KDM3A: variants seen among roughly 807,000 people sequenced by gnomAD.
KDM3A encodes the protein lysine-specific demethylase 3A.
KDM3A carries 60 observed loss-of-function variants against 158.0 expected under a neutral mutation model. The ratio of observed to expected loss-of-function variants is 0.38; its 90% CI spans 0.31 to 0.47. The LOEUF is 0.47. Ranked by LOEUF, KDM3A falls within the 20% of genes least tolerant of loss-of-function variation. The pLI is 0.99. For missense variants in KDM3A, 1,319 were observed against 1,574.3 expected (o/e 0.84, Z 2.74); for synonymous variants, 608 against 549.3 (o/e 1.11, Z -1.49).
At chr2:86,449,990 C>A in intron 3 of KDM3A, 28 bp downstream of exon 3, 1 of 1,583,956 alleles carries the variant, frequency 6.3e-7, no homozygotes, top group Non-Finnish European at 8.6e-7. Context: ...TTATTGAACT[C>A]CTGAGAAGAG....
At chr2:86,444,856 A>G (rs377180646) in intron 2 of KDM3A, among the ~76,000 whole-genome samples, 1 of 152,310 alleles carries the variant, frequency 6.6e-6, no homozygotes, top group South Asian at 2.1e-4. Flanking sequence ...ACTTACTTAG[A>G]TGACAAAAAG....
chr2:86,491,471 A>G, intron 25 of KDM3A, 196 bp downstream of exon 25: 1 of 591,878 alleles, frequency 1.7e-6, no homozygotes, highest in Non-Finnish European at 3.0e-6. Flanking sequence ...CCTTGGTTTG[A>G]TTTGATATTG....
intron 18 of KDM3A, 60 bp downstream of exon 18, chr2:86,482,754 A>C (rs1211118707): frequency 6.5e-7 from 1 of 1,543,420 alleles, no homozygotes; most frequent in Non-Finnish European, 8.8e-7. Context: ...TTCCTTTAGC[A>C]GACTTCTGAC....
At chr2:86,488,480 A>G (rs528210821) in intron 21 of KDM3A, 17 of 152,380 alleles carry the variant, frequency 1.1e-4, no homozygotes, top group Admixed American at 9.1e-4. Flanking sequence ...AGGAAAGTAC[A>G]ACAGGGCTCT....
Position 86,492,337 on chromosome 2 carries a change from C to G in KDM3A, c.*218C>G, listed in dbSNP as rs760105928. The G allele has an allele frequency of 2.1e-6, 1 of 475,236 alleles. No individual in the cohort carries two copies. Among genetic ancestry groups the G allele is most frequent in the African/African-American group, 2.0e-5 (1 of 50,674 alleles). The allele number at this position is 475,236 out of a possible 1,614,324, so 29.4% of individuals were successfully genotyped here. A position where few individuals can be genotyped will look rare whatever the true frequency, so the allele number is the denominator to read the frequency against. On this transcript the variant is annotated 3_prime_UTR_variant, in exon 26 of 26. Coordinates refer to ENST00000312912, the MANE Select transcript of KDM3A (RefSeq NM_018433.6). ...CATGCATCCTTAAACTGTGACTTCT[C>G]ACCTAGTGCAGAACTTTTACCAGGC...
chr2:86,484,280 T>A (rs1234658489), intron 19 of KDM3A, 122 bp downstream of exon 19: 1 of 770,882 alleles, frequency 1.3e-6, no homozygotes, highest in Non-Finnish European at 2.1e-6. Flanking sequence ...AGTTTAAAAT[T>A]AACGTCTCTC....
intron 2 of KDM3A, among the ~76,000 whole-genome samples, chr2:86,446,342 T>C (rs987356327): frequency 3.3e-5 from 5 of 152,220 alleles, no homozygotes; most frequent in South Asian, 4.1e-4. Context: ...CAATTTAGAA[T>C]AGAAACTAGC....
intron 8 of KDM3A, among the ~76,000 whole-genome samples, chr2:86,457,738 C>T (rs1191588319): frequency 6.6e-6 from 1 of 152,110 alleles, no homozygotes; most frequent in African/African-American, 2.4e-5. Flanking sequence ...CCTTCACCTT[C>T]TCAATAATAA....
In KDM3A at chr2:86,455,286, T is replaced by G. The variant is rs576441535; in HGVS notation, c.556+99T>G. On this transcript the variant is annotated intron_variant, in intron 5 of 25. Transcript: ENST00000312912. ...TCTCATTCATTTGCTCATGGAAATTTCTTTTTTCTTTTTTTTTTTTTTTGA... is the reference window on the plus strand; with the variant it reads ...TCTCATTCATTTGCTCATGGAAATTGCTTTTTTCTTTTTTTTTTTTTTTGA... 2.7e-5 allele frequency: 19 copies of G among 715,286 alleles called. No individual in the cohort carries two copies. In the African/African-American group the frequency reaches 3.6e-4, roughly 14 times the overall value. 44.3% of individuals were successfully genotyped at this position (715,286 alleles called of 1,614,324 possible).
At chr2:86,460,264 C>T (rs186049097) in intron 8 of KDM3A, among the ~76,000 whole-genome samples, 2 of 152,192 alleles carry the variant, frequency 1.3e-5, no homozygotes, top group East Asian at 1.9e-4. Context: ...ACTCTTGTAG[C>T]CTCCTTGATT....
rs763870735 is a variant in KDM3A, at chr2:86,442,225, G to T, written c.178G>T (p.Asp60Tyr). 5.6e-6 allele frequency: 9 copies of T among 1,608,248 alleles called. No individual in the cohort carries two copies. Among genetic ancestry groups the T allele is most frequent in the South Asian group, 1.1e-5 (1 of 90,764 alleles). ...TTCCCACACCGACGTTACCAAGAAG[G>T]ATCTGAAGGTACAGGCGGCTCCGGG... ...AVSHTDVTKK[D>Y]LKVCVEFDGE... The change falls in exon 2 of 26, where the codon GAT becomes TAT. Residue 60 changes from aspartate to tyrosine, a missense_variant. Asp to Tyr is a radical substitution (Grantham distance 160). Coordinates refer to ENST00000312912, the MANE Select transcript of KDM3A (RefSeq NM_018433.6).
At chr2:86,455,378 A>C (rs574019336) in intron 5 of KDM3A, among the ~76,000 whole-genome samples, 191 bp downstream of exon 5, 1 of 150,766 alleles carries the variant, frequency 6.6e-6, no homozygotes, top group African/African-American at 2.4e-5. Flanking sequence ...TCTGCCTTAC[A>C]AGTAGCTAGG....
Position 86,478,998 on chromosome 2 carries a change from A to G in KDM3A, c.2316+263A>G, listed in dbSNP as rs1673797566. On this transcript the variant is annotated intron_variant, in intron 15 of 25. Coordinates refer to ENST00000312912, the MANE Select transcript of KDM3A (RefSeq NM_018433.6). ...TTCTTGAAGAAGCACAAAGTTCTAA[A>G]GTAGTCTACCTAATAAGTAGCTGTC... 1.8e-5 allele frequency: 5 copies of G among 285,338 alleles called. No homozygotes were observed. In the South Asian group the frequency reaches 5.0e-4, roughly 29 times the overall value. 17.7% of individuals were successfully genotyped at this position (285,338 alleles called of 1,614,324 possible). A position where few individuals can be genotyped will look rare whatever the true frequency, so the allele number is the denominator to read the frequency against.
chr2:86,462,925 A>C (rs1672984060), intron 8 of KDM3A, among the ~76,000 whole-genome samples: 1 of 152,072 alleles, frequency 6.6e-6, no homozygotes, highest in Non-Finnish European at 1.5e-5. Context: ...TCCTGTCTCT[A>C]CTAAAAACAC....
At position 86,491,188 on chromosome 2, in the gene KDM3A, T is replaced by C. The variant is rs1217208776; in HGVS notation, c.3798T>C (p.Ser1266=). 6.2e-7 allele frequency: 1 copy of C among 1,613,928 alleles called. No individual in the cohort carries two copies. The highest frequency in any genetic ancestry group is 1.1e-5 in the South Asian group (1 of 91,078). Reference sequence around the variant, plus strand: ...TCAAAGTGGCTGAAGATTTTGTTTCTCCAGAGCATGTTAAACACTGCTTCT... The same window carrying C: ...TCAAAGTGGCTGAAGATTTTGTTTCCCCAGAGCATGTTAAACACTGCTTCT... ...SCIKVAEDFV[S]PEHVKHCFWL... The change falls in exon 25 of 26, where the codon TCT becomes TCC. Residue 1266 remains serine, a synonymous_variant. Coordinates refer to ENST00000312912, the MANE Select transcript of KDM3A (RefSeq NM_018433.6).
intron 25 of KDM3A, 92 bp downstream of exon 25, chr2:86,491,367 C>T: frequency 1.5e-6 from 2 of 1,315,658 alleles, no homozygotes; most frequent in Middle Eastern, 2.3e-4. Context: ...GTGAACTTGG[C>T]CATATCGTAC....
upstream of KDM3A, among the ~76,000 whole-genome samples, chr2:86,439,485 A>G (rs764781652): frequency 2.0e-5 from 3 of 152,176 alleles, no homozygotes; most frequent in Middle Eastern, 3.4e-3. Context: ...AATGCATTGG[A>G]TATCTTTCCA....
chr2:86,445,375 C>G (rs1391786222), intron 2 of KDM3A, among the ~76,000 whole-genome samples: 1 of 152,146 alleles, frequency 6.6e-6, no homozygotes, highest in Non-Finnish European at 1.5e-5. Context: ...TATTTTTATC[C>G]TGCTCTTTCT....
At chr2:86,451,627 G>C (rs1672475404) in intron 4 of KDM3A, among the ~76,000 whole-genome samples, 1 of 152,100 alleles carries the variant, frequency 6.6e-6, no homozygotes, top group Admixed American at 6.6e-5. Flanking sequence ...AAGGAAATCT[G>C]TTTATAATGG....
Sources: allele counts gnomAD v4.1 joint callset (sites outside exome capture counted in the v4.1 genomes callset), GRCh38; gene constraint gnomAD v4.1.1; transcripts MANE v1.5; gene names NCBI Gene and HGNC (gene_info 2026-07-23, HGNC 2026-07-21).